The following RIIAD1 variants were observed in gnomAD, a reference collection of about 807,000 sequenced individuals.
RIIAD1 encodes the protein RIIa domain-containing protein 1.
In RIIAD1, 15 loss-of-function variants were observed where a neutral mutation model predicts 13.3. The observed-to-expected ratio is 1.13, with a 90% CI of 0.76 to 1.74. RIIAD1 has a LOEUF of 1.74. Among genes scored for constraint, RIIAD1 ranks in the 40% most tolerant of loss-of-function variants. The pLI is 0.00. For missense variants in RIIAD1, 121 were observed against 112.2 expected (o/e 1.08, Z -0.35); for synonymous variants, 50 against 43.3 (o/e 1.16, Z -0.61).
At chr1:151,716,442 G>A in intron 4 of RIIAD1, 1 of 294,142 alleles carries the variant, frequency 3.4e-6, no homozygotes, top group Non-Finnish European at 6.7e-6. Flanking sequence ...GGAGGAGACT[G>A]AGGGGTTAAG....
chr1:151,721,402 C>T (rs1673731025), upstream of RIIAD1: 3 of 428,178 alleles, frequency 7.0e-6, no homozygotes, highest in Admixed American at 4.4e-5. Flanking sequence ...CCCAAGCCCC[C>T]GCCCCGGAGC....
At chr1:151,716,951 C>T (rs1311169886), upstream of RIIAD1, 3 of 348,326 alleles carry the variant, frequency 8.6e-6, no homozygotes, top group Admixed American at 1.1e-4. Flanking sequence ...CTCCATCCTC[C>T]CTGACTCCCT....
chr1:151,712,912 C>A (rs1324990444), intron 2 of RIIAD1, among the ~76,000 whole-genome samples: 1 of 152,122 alleles, frequency 6.6e-6, no homozygotes, highest in East Asian at 1.9e-4. Flanking sequence ...TGCATGCACA[C>A]ACACTCATGC....
At chr1:151,721,438 A>AAGG, upstream of RIIAD1, 1 of 613,566 alleles carries the variant, frequency 1.6e-6, no homozygotes. Flanking sequence ...CTCAGCCCCT[A>AAGG]GCCCCTGCTT....
At chr1:151,717,491 C>T (rs554233507), upstream of RIIAD1, among the ~76,000 whole-genome samples, 10 of 152,246 alleles carry the variant, frequency 6.6e-5, no homozygotes, top group Non-Finnish European at 1.3e-4. Flanking sequence ...AGGGAGGCCG[C>T]GGAGGCGGCG....
intron 2 of RIIAD1, among the ~76,000 whole-genome samples, chr1:151,712,275 G>A (rs915305220): frequency 6.6e-6 from 1 of 152,120 alleles, no homozygotes; most frequent in Admixed American, 6.6e-5. Flanking sequence ...CAGTATAGCC[G>A]AGCCCCTCCA....
At chr1:151,723,513 A>G (rs935649254) in intron 2 of RIIAD1, among the ~76,000 whole-genome samples, 41 of 151,246 alleles carry the variant, frequency 2.7e-4, no homozygotes, top group African/African-American at 8.3e-4. Context: ...CTGCCTGGCC[A>G]ACATGAGGAA....
At position 151,729,660 on chromosome 1, in the gene RIIAD1, T is replaced by C. The variant is rs187261705; in HGVS notation, c.*230T>C. Reference sequence around the variant, plus strand: ...AAGCCATCCTTCAGGGGAGGGCTGCTGTGCCCCACTTTGACGTGTGAGGCA... The same window carrying C: ...AAGCCATCCTTCAGGGGAGGGCTGCCGTGCCCCACTTTGACGTGTGAGGCA... On this transcript the variant is annotated 3_prime_UTR_variant, in exon 5 of 5. Transcript: ENST00000479191. 2 of 152,386 alleles carry C rather than the reference T, an allele frequency of 1.3e-5. No individual in the cohort carries two copies. The highest frequency in any genetic ancestry group is 1.3e-4 in the Admixed American group (2 of 15,306). 9.4% of individuals were successfully genotyped at this position (152,386 alleles called of 1,614,324 possible). A position where few individuals can be genotyped will look rare whatever the true frequency, so the allele number is the denominator to read the frequency against.
chr1:151,720,848 A>G (rs561646207), upstream of RIIAD1, among the ~76,000 whole-genome samples: 6 of 152,324 alleles, frequency 3.9e-5, no homozygotes, highest in Admixed American at 2.0e-4. Flanking sequence ...ATACTAGAAG[A>G]ACAAATCTTG....
chr1:151,727,144 G>A (rs1438977903), intron 2 of RIIAD1, among the ~76,000 whole-genome samples: 1 of 152,130 alleles, frequency 6.6e-6, no homozygotes, highest in African/African-American at 2.4e-5. Flanking sequence ...ATTAGCCATC[G>A]CACATGCCTG....
upstream of RIIAD1, among the ~76,000 whole-genome samples, chr1:151,718,573 G>GT (rs141967849): frequency 0.028 from 4,270 of 152,264 alleles, 189 homozygotes; most frequent in African/African-American, 0.098. Context: ...TCCTTAGCCT[G>GT]TTTTTTTGTT....
chr1:151,720,361 A>AG (rs397710481), upstream of RIIAD1, among the ~76,000 whole-genome samples: 3 of 151,240 alleles, frequency 2.0e-5, no homozygotes, highest in Admixed American at 6.6e-5. Flanking sequence ...GAAAAAAAAA[A>AG]TCACTTCTGA....
chr1:151,715,104 G>A (rs1022944958), intron 4 of RIIAD1, among the ~76,000 whole-genome samples: 5 of 151,872 alleles, frequency 3.3e-5, no homozygotes, highest in Non-Finnish European at 5.9e-5. Context: ...CTCCACCATA[G>A]GCAGGTGGAG....
At chr1:151,724,152 G>A (rs974538750) in intron 2 of RIIAD1, among the ~76,000 whole-genome samples, 1 of 152,156 alleles carries the variant, frequency 6.6e-6, no homozygotes, top group Non-Finnish European at 1.5e-5. Flanking sequence ...CAGTTTCCAG[G>A]AGCAGCCTGG....
Position 151,727,573 on chromosome 1 carries a change from A to G in RIIAD1, c.162-2A>G. 1 of 1,546,628 alleles carries G rather than the reference A, an allele frequency of 6.5e-7. No homozygotes were observed. The highest frequency in any genetic ancestry group is 8.8e-7 in the Non-Finnish European group (1 of 1,142,454). On this transcript the variant is annotated splice_acceptor_variant, in intron 2 of 4. Transcript: ENST00000479191. LOFTEE classifies it high-confidence loss of function. ...CCCATCCTATCCCTTAATGTTTTCC[A>G]GAGAAATATTTTTGAAAAGACCAGA...
chr1:151,713,817 A>C (rs1006294449), intron 3 of RIIAD1, among the ~76,000 whole-genome samples: 1 of 152,144 alleles, frequency 6.6e-6, no homozygotes, highest in African/African-American at 2.4e-5. Flanking sequence ...TTGCTTTCCT[A>C]GCAGTACTCA....
chr1:151,723,366 C>G (rs1673773997), intron 2 of RIIAD1, among the ~76,000 whole-genome samples: 1 of 151,264 alleles, frequency 6.6e-6, no homozygotes, highest in Non-Finnish European at 1.5e-5. Context: ...TGCACTCTAG[C>G]CTGGGCAACA....
intron 2 of RIIAD1, among the ~76,000 whole-genome samples, chr1:151,712,962 A>T (rs886397560): frequency 2.6e-5 from 4 of 152,054 alleles, no homozygotes; most frequent in African/African-American, 9.7e-5. Context: ...GTGCAAACAC[A>T]CACTGAGGGG....
intron 4 of RIIAD1, among the ~76,000 whole-genome samples, 155 bp from the exon 5 acceptor site, chr1:151,729,333 C>T (rs562086582): frequency 7.9e-5 from 12 of 152,208 alleles, no homozygotes; most frequent in Non-Finnish European, 1.6e-4. Flanking sequence ...CCCACTCCTG[C>T]CTCATCTTCA....
Sources: allele counts gnomAD v4.1 joint callset (sites outside exome capture counted in the v4.1 genomes callset), GRCh38; gene constraint gnomAD v4.1.1; transcripts MANE v1.5; gene names NCBI Gene and HGNC (gene_info 2026-07-23, HGNC 2026-07-21).